Variants in ZZEF1 observed in about 807,000 individuals in gnomAD.
ZZEF1 encodes zinc finger ZZ-type and EF-hand domain-containing protein 1.
A neutral mutation model predicts 342.8 loss-of-function variants in ZZEF1; 157 were observed. The observed-to-expected ratio is 0.46, with a 90% CI of 0.40 to 0.52. ZZEF1 has a LOEUF of 0.52. Among genes scored for constraint, ZZEF1 ranks in the 20% least tolerant of loss-of-function variants. The pLI, the probability that ZZEF1 is intolerant of heterozygous loss-of-function variation, is 0.00. For synonymous variants in ZZEF1, 1,505 were observed against 1,429.1 expected, an observed-to-expected ratio of 1.05 and a Z score of -1.20; for missense variants, 3,480 against 3,725.6, an observed-to-expected ratio of 0.93 and a Z score of 1.72.
intron 18 of ZZEF1, among the ~76,000 whole-genome samples, chr17:4,079,846 TG>T (rs2057689563): frequency 6.6e-6 from 1 of 151,992 alleles, no homozygotes. Flanking sequence ...CCCGCAAAAA[TG>T]TAAGAGATTT....
At chr17:4,076,610 G>A in intron 21 of ZZEF1, 27 bp downstream of exon 21, 1 of 1,595,236 alleles carries the variant, frequency 6.3e-7, no homozygotes, top group Non-Finnish European at 8.5e-7. Context: ...GAGAACACGG[G>A]GCGGCTCAAG....
intron 45 of ZZEF1, 120 bp downstream of exon 45, chr17:4,021,009 G>T (rs1366219178): frequency 5.6e-6 from 6 of 1,066,212 alleles, no homozygotes; most frequent in Non-Finnish European, 8.2e-6. Context: ...TCTTTAGGAA[G>T]TGAATTCTCA....
chr17:4,102,016 A>G (rs1428972027), intron 9 of ZZEF1, among the ~76,000 whole-genome samples: 1 of 152,214 alleles, frequency 6.6e-6, no homozygotes, highest in East Asian at 1.9e-4. Context: ...AGATAACACA[A>G]TAGAAAGACA....
chr17:4,117,014 C>A lies in ZZEF1; in HGVS notation c.652G>T (p.Val218Phe). The A allele has an allele frequency of 6.2e-7, 1 of 1,613,260 alleles. No homozygotes were observed. Among genetic ancestry groups the A allele is most frequent in the Non-Finnish European group, 8.5e-7 (1 of 1,179,466 alleles). The change falls in exon 3 of 55, where the codon GTC (valine) becomes TTC (phenylalanine). Residue 218 changes from valine (V) to phenylalanine (F), a missense_variant. Physicochemically the swap from Val to Phe is conservative, Grantham distance 50. Around this residue, in one of 5 missense-constraint regions of ZZEF1, gnomAD observed 416 missense variants for 374.2 expected, o/e 1.11. Coordinates refer to ENST00000381638, the MANE Select transcript of ZZEF1 (RefSeq NM_015113.4). ...AGCTGATCCAGAGACTCCTTCAGGACGGAAGACCGCATGGTGCACATGTTA... is the reference window on the plus strand; with the variant it reads ...AGCTGATCCAGAGACTCCTTCAGGAAGGAAGACCGCATGGTGCACATGTTA... ...CNNMCTMRSS[V>F]LKESLDQLVQ...
Position 4,006,927 on chromosome 17 carries a change from G to C in ZZEF1, c.8849C>G (p.Pro2950Arg). ...ATTCCAGAGGCGGGTGGCCTTGTTT[G>C]GGTAGTTGATGGCCAGGCTGATGGC... ...IAAISLAINY[P>R]NKATRLWNVE... is the part of the protein sequence containing the mutation. Residue 2950 changes from proline (P) to arginine (R), a missense_variant, in exon 55 of 55, where the codon CCA becomes CGA. Around this residue, in one of 5 missense-constraint regions of ZZEF1, gnomAD observed 1,269 missense variants for 1,342.4 expected, o/e 0.95. Coordinates refer to ENST00000381638, the MANE Select transcript of ZZEF1 (RefSeq NM_015113.4). 6.4e-7 allele frequency: 1 copy of C among 1,573,458 alleles called. No homozygotes were observed. The highest frequency in any genetic ancestry group is 8.6e-7 in the Non-Finnish European group (1 of 1,157,940).
chr17:4,113,164 A>G (rs2058341977), intron 4 of ZZEF1, among the ~76,000 whole-genome samples: 1 of 152,240 alleles, frequency 6.6e-6, no homozygotes, highest in Non-Finnish European at 1.5e-5. Flanking sequence ...TTAGATGTCT[A>G]AAGGTCAAAT....
At chr17:4,048,873 A>ATTTTT (rs71144157) in intron 37 of ZZEF1, among the ~76,000 whole-genome samples, 4,947 of 133,558 alleles carry the variant, frequency 0.037, 116 homozygotes, top group South Asian at 0.11. Flanking sequence ...AGCCTGGATA[A>ATTTTT]TTTTTTTTTT....
chr17:4,017,689 G>T lies in ZZEF1; in HGVS notation c.7683C>A (p.Asn2561Lys). The T allele has an allele frequency of 6.2e-7, 1 of 1,613,684 alleles. No individual in the cohort carries two copies. ...ARCDQATAES[N>K]PVTQKLISST... is the part of the protein sequence containing the mutation. Reference sequence around the variant, plus strand: ...TGGAGATCAGCTTCTGGGTCACAGGGTTCGATTCAGCAGTGGCTTGGTCAC... The same window carrying T: ...TGGAGATCAGCTTCTGGGTCACAGGTTTCGATTCAGCAGTGGCTTGGTCAC... The change falls in exon 48 of 55, where the codon AAC becomes AAA. Residue 2561 changes from asparagine to lysine, a missense_variant. Physicochemically the swap from Asn to Lys is moderately conservative, Grantham distance 94. Transcript: ENST00000381638. The surrounding 1 kb of genome is among the most constrained non-coding windows in gnomAD (Gnocchi z 5.1).
At chr17:4,137,438 G>A (rs1032671791) in intron 1 of ZZEF1, among the ~76,000 whole-genome samples, 3 of 151,960 alleles carry the variant, frequency 2.0e-5, no homozygotes, top group African/African-American at 4.8e-5. Flanking sequence ...GTGAAACCCC[G>A]TCTCTTACTA....
intron 8 of ZZEF1, among the ~76,000 whole-genome samples, chr17:4,103,159 A>G (rs533314366): frequency 6.6e-6 from 1 of 152,262 alleles, no homozygotes; most frequent in African/African-American, 2.4e-5. Context: ...CAACCACCCA[A>G]GAAAATAACC....
intron 43 of ZZEF1, 117 bp from the exon 44 acceptor site, chr17:4,022,945 T>TGTG: frequency 7.4e-7 from 1 of 1,349,088 alleles, no homozygotes; most frequent in Non-Finnish European, 1.0e-6. Context: ...AACACATACT[T>TGTG]TTGAATGAAG....
intron 4 of ZZEF1, 146 bp downstream of exon 4, chr17:4,114,153 T>C: frequency 1.8e-6 from 1 of 547,812 alleles, no homozygotes; most frequent in East Asian, 3.3e-5. Context: ...GTTAGGAATA[T>C]ATAAGCCAGG....
chr17:4,074,325 C>T lies in ZZEF1; in HGVS notation c.3510G>A (p.Arg1170=), dbSNP rs752360791. ...PKKVTFKAGP[R]LQFLFHSDSS... is the part of the protein sequence containing the mutation. ...TGTCAGAGTGAAAGAGGAACTGCAA[C>T]CGAGGACCGGCCTTGAAGGTCACTT... Residue 1170 remains arginine (R), a synonymous_variant, in exon 24 of 55, where the codon CGG becomes CGA. Coordinates refer to ENST00000381638, the MANE Select transcript of ZZEF1 (RefSeq NM_015113.4). 3 of 1,614,020 alleles carry T rather than the reference C, an allele frequency of 1.9e-6. No individual in the cohort carries two copies. The highest frequency in any genetic ancestry group is 2.2e-5 in the South Asian group (2 of 91,076).
chr17:4,115,534 G>A lies in ZZEF1; in HGVS notation c.695-1064C>T, dbSNP rs533127627. Among the ~76,000 whole-genome samples the A allele has an allele frequency of 2.1e-3, 316 of 152,024 alleles. 2 individuals are homozygous for A. The highest frequency in any genetic ancestry group is 7.2e-3 in the African/African-American group (297 of 41,460). ...AAAAACCAGCCAGGCACGGTGGCAC[G>A]TGCCTGTAATCCCAGTTACTCAGGA... On this transcript the variant is annotated intron_variant, in intron 3 of 54. Coordinates refer to ENST00000381638, the MANE Select transcript of ZZEF1 (RefSeq NM_015113.4).
In ZZEF1 at chr17:4,054,212, A is replaced by G; in HGVS notation, c.5296-17T>C. ...CATGTGCATCTGTAAGGCCAAACAT[A>G]TACAATTAACTGATAGATTTTCTAA... On this transcript the variant is annotated splice_polypyrimidine_tract_variant and intron_variant, in intron 33 of 54. Coordinates refer to ENST00000381638, the MANE Select transcript of ZZEF1 (RefSeq NM_015113.4). The G allele has an allele frequency of 6.2e-7, 1 of 1,606,016 alleles. No homozygotes were observed. Among genetic ancestry groups the G allele is most frequent in the South Asian group, 1.1e-5 (1 of 89,452 alleles).
At chr17:4,057,031 A>G (rs1395687587) in intron 32 of ZZEF1, among the ~76,000 whole-genome samples, 1 of 152,248 alleles carries the variant, frequency 6.6e-6, no homozygotes, top group Non-Finnish European at 1.5e-5. Context: ...CAAAATATTT[A>G]CCAAGCTACA....
chr17:4,132,147 C>T (rs180825059), intron 1 of ZZEF1, among the ~76,000 whole-genome samples: 160 of 151,476 alleles, frequency 1.1e-3, no homozygotes, highest in African/African-American at 3.7e-3. Context: ...CAAGTCCTGT[C>T]GGCTATATAC....
At chr17:4,083,426 G>T (rs1204388035) in intron 16 of ZZEF1, among the ~76,000 whole-genome samples, 1 of 152,216 alleles carries the variant, frequency 6.6e-6, no homozygotes, top group African/African-American at 2.4e-5. Flanking sequence ...AATGTGAGAA[G>T]TGATTCCTCA....
At chr17:4,042,333 A>C in intron 39 of ZZEF1, 96 bp downstream of exon 39, 13 of 1,329,232 alleles carry the variant, frequency 9.8e-6, no homozygotes, top group Non-Finnish European at 1.3e-5. Flanking sequence ...TTAAGGCTAC[A>C]GAGATGATTG....
Sources: gnomAD v4.1 joint callset for allele counts (sites outside exome capture counted in the v4.1 genomes callset) on GRCh38, gnomAD v4.1.1 for gene constraint, gnomAD v4.1.1 regional missense constraint, Gnocchi (gnomAD v3.1) non-coding constraint, MANE v1.5 for transcripts, NCBI Gene and HGNC (gene_info 2026-07-23, HGNC 2026-07-21) for gene names.